The following CCDC175 variants were observed in gnomAD, a reference collection of about 807,000 sequenced individuals.
CCDC175 encodes coiled-coil domain-containing protein 175.
In CCDC175, 100 loss-of-function variants were observed where a neutral mutation model predicts 114.6. That is an observed-to-expected ratio of 0.87 (90% CI 0.74 to 1.03). CCDC175 has a LOEUF of 1.03. Among genes scored for constraint, CCDC175 ranks in the 50% least tolerant of loss-of-function variants. The probability of loss-of-function intolerance (pLI) is 0.00; values close to 1 mark genes in which losing one functional copy is unlikely to be tolerated. For synonymous variants in CCDC175, 306 were observed against 308.7 expected (o/e 0.99, Z 0.09); for missense variants, 880 against 917.8 (o/e 0.96, Z 0.53).
chr14:59,530,052 T>C (rs888415051), intron 14 of CCDC175, among the ~76,000 whole-genome samples: 2 of 152,084 alleles, frequency 1.3e-5, no homozygotes, highest in Non-Finnish European at 2.9e-5. Flanking sequence ...AACAAAGGGA[T>C]AGGAAGAATG....
chr14:59,510,916 G>T, intron 18 of CCDC175, 108 bp from the exon 19 acceptor site: 1 of 946,202 alleles, frequency 1.1e-6, no homozygotes, highest in African/African-American at 1.7e-5. Context: ...ATGCATAATT[G>T]GTATCAGTCA....
intron 3 of CCDC175, among the ~76,000 whole-genome samples, chr14:59,568,863 AT>A (rs1428736527): frequency 6.6e-6 from 1 of 152,124 alleles, no homozygotes; most frequent in African/African-American, 2.4e-5. Flanking sequence ...CTCATAATTA[AT>A]TAGTTTCAGT....
chr14:59,540,745 C>T lies in CCDC175; in HGVS notation c.1285G>A (p.Ala429Thr), dbSNP rs757482380. Residue 429 changes from alanine (A) to threonine (T), a missense_variant and splice_region_variant, in exon 11 of 20, where the codon GCA becomes ACA. Coordinates refer to ENST00000537690, the MANE Select transcript of CCDC175 (RefSeq NM_001164399.2). ...TGTTGCTGATACACTGTTTTTGTTG[C>T]TCTAAAAAGAAAAACATATTGGATT... Reference protein sequence around the residue: ...GLITLQELQQATKTVYQQQIK... With the variant: ...GLITLQELQQTTKTVYQQQIK... The T allele has an allele frequency of 6.3e-6, 9 of 1,431,866 alleles. No homozygotes were observed. The Admixed American group carries it at 9.2e-5, about 15-fold the overall frequency. 88.7% of individuals were successfully genotyped at this position (1,431,866 alleles called of 1,614,324 possible). A position where few individuals can be genotyped will look rare whatever the true frequency, so the allele number is the denominator to read the frequency against.
At chr14:59,541,626 G>T (rs1894795396) in intron 10 of CCDC175, among the ~76,000 whole-genome samples, 1 of 151,982 alleles carries the variant, frequency 6.6e-6, no homozygotes, top group Non-Finnish European at 1.5e-5. Flanking sequence ...ATCCTCCTCT[G>T]GATCTCTAAG....
intron 17 of CCDC175, among the ~76,000 whole-genome samples, chr14:59,513,620 G>A (rs907260826): frequency 2.0e-5 from 3 of 152,324 alleles, no homozygotes; most frequent in Non-Finnish European, 2.9e-5. Context: ...GGCTGGGGGA[G>A]GGGTGCCTGC....
At chr14:59,567,688 T>C (rs764204948) in intron 4 of CCDC175, among the ~76,000 whole-genome samples, 12 of 152,202 alleles carry the variant, frequency 7.9e-5, no homozygotes, top group Non-Finnish European at 1.2e-4. Context: ...TCTTGAGCTA[T>C]AGGCAGTTTC....
intron 17 of CCDC175, 110 bp downstream of exon 17, chr14:59,521,464 T>A: frequency 3.2e-6 from 2 of 618,288 alleles, no homozygotes; most frequent in Non-Finnish European, 5.6e-6. Flanking sequence ...TACCTTGTGA[T>A]CATGTGAGTC....
At chr14:59,541,969 A>G (rs1894819119) in intron 10 of CCDC175, among the ~76,000 whole-genome samples, 1 of 152,238 alleles carries the variant, frequency 6.6e-6, no homozygotes. Context: ...ATTTAACAAT[A>G]TGGGGACAAC....
At chr14:59,515,195 C>A (rs1346787221) in intron 17 of CCDC175, among the ~76,000 whole-genome samples, 3 of 152,164 alleles carry the variant, frequency 2.0e-5, no homozygotes, top group Non-Finnish European at 1.5e-5. Flanking sequence ...ACAACTGGTA[C>A]CAGCCACTGA....
intron 4 of CCDC175, among the ~76,000 whole-genome samples, chr14:59,565,479 C>A (rs1290909312): frequency 2.0e-5 from 3 of 152,074 alleles, no homozygotes; most frequent in Admixed American, 1.3e-4. Context: ...CCGAGGTGGG[C>A]AAATCACCTA....
chr14:59,514,979 A>T (rs1009265518), intron 17 of CCDC175, among the ~76,000 whole-genome samples: 18 of 152,294 alleles, frequency 1.2e-4, no homozygotes, highest in African/African-American at 4.3e-4. Flanking sequence ...CAGCAGAAAC[A>T]CTACAAGCCA....
rs575579741 is a variant in CCDC175 at position 59,555,258 on chromosome 14, A to T, written c.954-3822T>A. Among the ~76,000 whole-genome samples the T allele has an allele frequency of 3.7e-4, 56 of 152,240 alleles. 2 individuals are homozygous for T. In the South Asian group the frequency reaches 8.3e-3, roughly 23 times the overall value. ...GAATCCAGCAGCACATCAAAAAGCT[A>T]TTCCACCATGATCAAGTGGGCTTCA... is the stretch of plus-strand genomic sequence containing the variant. On this transcript the variant is annotated intron_variant, in intron 7 of 19. Coordinates refer to ENST00000537690, the MANE Select transcript of CCDC175 (RefSeq NM_001164399.2).
chr14:59,543,731 C>A (rs1054713710), intron 9 of CCDC175, among the ~76,000 whole-genome samples: 2 of 152,004 alleles, frequency 1.3e-5, no homozygotes, highest in South Asian at 2.1e-4. Flanking sequence ...TGGTCTTATG[C>A]GATTGGTCCA....
chr14:59,511,689 C>T (rs1892761431), intron 18 of CCDC175, 71 bp downstream of exon 18: 2 of 1,278,118 alleles, frequency 1.6e-6, no homozygotes, highest in East Asian at 5.0e-5. Context: ...AGCACACACA[C>T]TTATTAGGTA....
chr14:59,533,784 C>T lies in CCDC175; in HGVS notation c.1624-1874G>A, dbSNP rs561105205. Among the ~76,000 whole-genome samples, 8 of 151,794 alleles carry T rather than the reference C, an allele frequency of 5.3e-5. No individual in the cohort carries two copies. In the South Asian group the frequency reaches 1.2e-3, roughly 24 times the overall value. ...CGGGCAGATCACAAGGTCAGGAGAT[C>T]GAGACTATCCTGGCTAACATGGTGA... On this transcript the variant is annotated intron_variant, in intron 13 of 19. Coordinates refer to ENST00000537690, the MANE Select transcript of CCDC175 (RefSeq NM_001164399.2).
At chr14:59,560,509 C>A (rs1219972886) in intron 7 of CCDC175, among the ~76,000 whole-genome samples, 1 of 152,116 alleles carries the variant, frequency 6.6e-6, no homozygotes, top group Admixed American at 6.5e-5. Context: ...ATTGTTGGAC[C>A]TGTGCCAGGT....
chr14:59,528,359 G>A (rs1478209598), intron 14 of CCDC175, among the ~76,000 whole-genome samples: 2 of 151,706 alleles, frequency 1.3e-5, no homozygotes, highest in African/African-American at 4.8e-5. Context: ...GGATTTGCTT[G>A]GACATTTAAA....
chr14:59,533,620 A>G (rs555882442), intron 13 of CCDC175, among the ~76,000 whole-genome samples: 48 of 152,344 alleles, frequency 3.2e-4, no homozygotes, highest in African/African-American at 1.1e-3. Context: ...GAAAAATACC[A>G]TAATTCAAAA....
At chr14:59,575,053 G>A in intron 1 of CCDC175, 25 bp from the exon 2 acceptor site, 1 of 1,277,526 alleles carries the variant, frequency 7.8e-7, no homozygotes, top group Non-Finnish European at 1.1e-6. Flanking sequence ...AGAAAATAAA[G>A]ATCTCTTATT....
Sources: allele counts gnomAD v4.1 joint callset (sites outside exome capture counted in the v4.1 genomes callset), GRCh38; gene constraint gnomAD v4.1.1; transcripts MANE v1.5; gene names NCBI Gene and HGNC (gene_info 2026-07-23, HGNC 2026-07-21).